The following RALYL variants were observed in gnomAD, a reference collection of about 807,000 sequenced individuals.
RALYL encodes the protein RALY RNA binding protein like, also known as RNA-binding Raly-like protein.
In RALYL, 29 loss-of-function variants were observed where a neutral mutation model predicts 35.1. The ratio of observed to expected loss-of-function variants is 0.83; its 90% CI spans 0.61 to 1.13. The LOEUF (loss-of-function observed/expected upper bound fraction) is 1.13. Ranked by LOEUF, RALYL falls within the 50% of genes most tolerant of loss-of-function variation. The pLI is 0.00. For synonymous variants in RALYL, 120 were observed against 127.6 expected, an observed-to-expected ratio of 0.94 and a Z score of 0.40; for missense variants, 359 against 360.4, an observed-to-expected ratio of 1.00 and a Z score of 0.03.
intron 6 of RALYL, 80 bp from the exon 7 acceptor site, chr8:84,873,204 G>T: frequency 1.5e-6 from 1 of 646,464 alleles, no homozygotes; most frequent in South Asian, 2.2e-5. Context: ...AGAAAATACG[G>T]GGTCCCTGTG....
chr8:84,291,522 T>C (rs1347877580), intron 1 of RALYL, among the ~76,000 whole-genome samples: 1 of 152,200 alleles, frequency 6.6e-6, no homozygotes, highest in Non-Finnish European at 1.5e-5. Context: ...GAAATATTAA[T>C]GGTCAAAAGT....
chr8:84,871,628 T>C (rs910233317), intron 6 of RALYL, among the ~76,000 whole-genome samples: 5 of 152,196 alleles, frequency 3.3e-5, no homozygotes, highest in Non-Finnish European at 5.9e-5. Context: ...TTTGAAGTAA[T>C]TGACATGAGG....
At chr8:84,858,354 A>C (rs1837458890) in intron 5 of RALYL, among the ~76,000 whole-genome samples, 1 of 152,200 alleles carries the variant, frequency 6.6e-6, no homozygotes, top group African/African-American at 2.4e-5. Flanking sequence ...AAGAATTATT[A>C]TTATATGTTT....
chr8:84,455,379 A>G (rs939270015), intron 1 of RALYL, among the ~76,000 whole-genome samples: 10 of 152,056 alleles, frequency 6.6e-5, no homozygotes, highest in Non-Finnish European at 1.5e-5. Flanking sequence ...TGAGCTCATT[A>G]TGAGAGAAGA....
In RALYL at chr8:84,859,013, CACAA is replaced by C. The variant is rs1395492814; in HGVS notation, c.414-3277_414-3274del. On this transcript the variant is annotated intron_variant, in intron 5 of 8. Coordinates refer to ENST00000521268, the MANE Select transcript of RALYL (RefSeq NM_173848.7). Reference sequence around the variant, plus strand: ...CTTGAACAAATAATTGGGCAAAACGCACAAACAAAGGAAGGAAAGAATGAAGTAA... The same window carrying C: ...CTTGAACAAATAATTGGGCAAAACGCACAAAGGAAGGAAAGAATGAAGTAA... 3.9e-5 allele frequency among the ~76,000 whole-genome samples: 6 copies of C among 152,074 alleles called. No individual in the cohort carries two copies. The South Asian group carries it at 8.3e-4, about 21-fold the overall frequency.
At chr8:84,391,172 ACGACT>A (rs1204593973) in intron 1 of RALYL, among the ~76,000 whole-genome samples, 2 of 151,992 alleles carry the variant, frequency 1.3e-5, no homozygotes, top group South Asian at 2.1e-4. Flanking sequence ...CATTGCGTGG[ACGACT>A]CTTTCTCTCT....
intron 2 of RALYL, among the ~76,000 whole-genome samples, chr8:84,689,078 T>G (rs1837454293): frequency 6.6e-6 from 1 of 152,050 alleles, no homozygotes; most frequent in Admixed American, 6.6e-5. Flanking sequence ...TTCTTTTTTT[T>G]TTTAAATTTA....
chr8:84,708,075 A>G (rs759129406), intron 2 of RALYL, among the ~76,000 whole-genome samples: 1 of 152,150 alleles, frequency 6.6e-6, no homozygotes, highest in Admixed American at 6.6e-5. Flanking sequence ...GAGATAGTAC[A>G]TAAATCAACT....
At chr8:84,782,875 T>C (rs992158951) in intron 3 of RALYL, among the ~76,000 whole-genome samples, 1 of 152,226 alleles carries the variant, frequency 6.6e-6, no homozygotes, top group Admixed American at 6.5e-5. Flanking sequence ...GTTGATTTCA[T>C]TTGTTTTCAT....
chr8:84,476,629 A>C (rs10092191), intron 1 of RALYL, among the ~76,000 whole-genome samples: 5,989 of 152,222 alleles, frequency 0.039, 240 homozygotes, highest in African/African-American at 0.099. Flanking sequence ...ACATATCAAT[A>C]TTAGTATATT....
At chr8:84,334,739 T>C (rs1563750151) in intron 1 of RALYL, among the ~76,000 whole-genome samples, 1 of 152,148 alleles carries the variant, frequency 6.6e-6, no homozygotes, top group Non-Finnish European at 1.5e-5. Flanking sequence ...ATTCTCTTTA[T>C]TTTACCTTAG....
intron 1 of RALYL, among the ~76,000 whole-genome samples, chr8:84,471,320 C>T (rs2052715921): frequency 1.3e-5 from 2 of 151,980 alleles, no homozygotes. Flanking sequence ...CAGTGTCTCA[C>T]ACCTGTAATC....
intron 1 of RALYL, among the ~76,000 whole-genome samples, chr8:84,306,310 G>A (rs1453048201): frequency 6.6e-6 from 1 of 152,148 alleles, no homozygotes; most frequent in African/African-American, 2.4e-5. Flanking sequence ...GGGGATGCTT[G>A]TACATGATAA....
chr8:84,475,005 G>C (rs1054286044), intron 1 of RALYL, among the ~76,000 whole-genome samples: 1 of 151,546 alleles, frequency 6.6e-6, no homozygotes, highest in Non-Finnish European at 1.5e-5. Flanking sequence ...TTGGTTTGCT[G>C]CACCCATTAC....
intron 2 of RALYL, among the ~76,000 whole-genome samples, chr8:84,589,063 A>G (rs1812635706): frequency 6.6e-6 from 1 of 151,818 alleles, no homozygotes; most frequent in Non-Finnish European, 1.5e-5. Flanking sequence ...ACGCCCAGCT[A>G]ATTTTTGTAT....
In RALYL at chr8:84,681,041, A is replaced by T. The variant is rs562019866; in HGVS notation, c.257-93538A>T. 3.8e-3 allele frequency among the ~76,000 whole-genome samples: 572 copies of T among 151,784 alleles called. 10 individuals carry two copies. Among genetic ancestry groups the T allele is most frequent in the African/African-American group, 0.013 (542 of 41,104 alleles). On this transcript the variant is annotated intron_variant, in intron 2 of 8. Transcript: ENST00000521268. ...TTAATTTTTGTATAAGGTGTAAGGA[A>T]GGGATCCAGTTTCAGCTTTCTACAT... is the stretch of plus-strand genomic sequence containing the variant.
chr8:84,469,427 TG>T (rs1347704126), intron 1 of RALYL, among the ~76,000 whole-genome samples: 4 of 152,260 alleles, frequency 2.6e-5, no homozygotes, highest in South Asian at 2.1e-4. Context: ...GTGCCCCTGC[TG>T]GGGGGTGCCT....
At chr8:84,308,132 T>C (rs1024724173) in intron 1 of RALYL, among the ~76,000 whole-genome samples, 4 of 135,754 alleles carry the variant, frequency 2.9e-5, no homozygotes, top group Non-Finnish European at 6.5e-5. Flanking sequence ...GGCTAAATAA[T>C]CAAAAGGGAA....
At chr8:84,516,594 C>T (rs958638864) in intron 1 of RALYL, among the ~76,000 whole-genome samples, 1 of 152,076 alleles carries the variant, frequency 6.6e-6, no homozygotes, top group Non-Finnish European at 1.5e-5. Context: ...ACAAACCAAG[C>T]AAAGTTGTAT....
Sources: allele counts gnomAD v4.1 joint callset (sites outside exome capture counted in the v4.1 genomes callset), GRCh38; gene constraint gnomAD v4.1.1; transcripts MANE v1.5; gene names NCBI Gene and HGNC (gene_info 2026-07-23, HGNC 2026-07-21).